ITPR2: variants seen among roughly 807,000 people sequenced by gnomAD.
The protein encoded by ITPR2 is inositol 1,4,5-trisphosphate receptor type 2, also known as inositol 1,4,5-trisphosphate-gated calcium channel ITPR2.
ITPR2 carries 207 observed loss-of-function variants against 317.1 expected under a neutral mutation model. That is an observed-to-expected ratio of 0.65 (90% CI 0.58 to 0.73). ITPR2 has a LOEUF of 0.73. ITPR2 is among the 30% of genes least tolerant of loss of function. The probability of loss-of-function intolerance (pLI) is 0.00; values close to 1 mark genes in which losing one functional copy is unlikely to be tolerated. For synonymous variants in ITPR2, 1,156 were observed against 1,149.1 expected (o/e 1.01, Z -0.12); for missense variants, 2,613 against 3,284.0 (o/e 0.80, Z 4.99).
In ITPR2 at chr12:26,532,878, G is replaced by T. The variant is rs560453519; in HGVS notation, c.5073+17369C>A. Among the ~76,000 whole-genome samples, 4 of 152,006 alleles carry T rather than the reference G, an allele frequency of 2.6e-5. No homozygotes were observed. In the East Asian group the frequency reaches 7.8e-4, roughly 30 times the overall value. ...TTTTTGTATTTTTAGTAGAGACAGG[G>T]TCTCGCCATGTTGACCAGGCTGGTC... On this transcript the variant is annotated intron_variant, in intron 37 of 56. Coordinates refer to ENST00000381340, the MANE Select transcript of ITPR2 (RefSeq NM_002223.4).
chr12:26,372,515 G>A (rs1446214058), intron 55 of ITPR2, among the ~76,000 whole-genome samples: 1 of 152,130 alleles, frequency 6.6e-6, no homozygotes, highest in Non-Finnish European at 1.5e-5. Flanking sequence ...CCTGCCCAAG[G>A]CTTCCAAAGT....
At chr12:26,423,653 T>G (rs771041031) in intron 49 of ITPR2, among the ~76,000 whole-genome samples, 50 of 152,196 alleles carry the variant, frequency 3.3e-4, no homozygotes, top group Non-Finnish European at 6.5e-4. Flanking sequence ...CAAATAATTT[T>G]AATGGTATGA....
At chr12:26,565,605 A>G (rs1313817392) in intron 34 of ITPR2, among the ~76,000 whole-genome samples, 1 of 151,866 alleles carries the variant, frequency 6.6e-6, no homozygotes, top group Admixed American at 6.6e-5. Context: ...TAATATTACC[A>G]GCTGGTGGAA....
At chr12:26,574,749 C>T (rs896841515) in intron 34 of ITPR2, among the ~76,000 whole-genome samples, 1 of 152,118 alleles carries the variant, frequency 6.6e-6, no homozygotes, top group East Asian at 1.9e-4. Flanking sequence ...GAAGCTTCCA[C>T]TCGTGGTGGA....
intron 2 of ITPR2, among the ~76,000 whole-genome samples, chr12:26,744,639 T>G (rs1401481120): frequency 6.6e-6 from 1 of 152,242 alleles, no homozygotes; most frequent in Non-Finnish European, 1.5e-5. Flanking sequence ...TTAGTTATAT[T>G]AATTCCTGAA....
At chr12:26,821,537 CTCA>C (rs1950937711) in intron 1 of ITPR2, among the ~76,000 whole-genome samples, 1 of 152,188 alleles carries the variant, frequency 6.6e-6, no homozygotes, top group Non-Finnish European at 1.5e-5. Context: ...AGTTGTTGAG[CTCA>C]TCATTTTATT....
At chr12:26,542,941 T>C (rs1191433995) in intron 37 of ITPR2, among the ~76,000 whole-genome samples, 1 of 152,240 alleles carries the variant, frequency 6.6e-6, no homozygotes, top group Admixed American at 6.5e-5. Flanking sequence ...GCTCGTTCTC[T>C]TCTCCAATTC....
At chr12:26,599,897 G>T in intron 29 of ITPR2, 90 bp downstream of exon 29, 2 of 908,372 alleles carry the variant, frequency 2.2e-6, no homozygotes, top group Non-Finnish European at 3.3e-6. Flanking sequence ...ATGAAGCAAG[G>T]AAGTGTAACA....
At chr12:26,649,037 T>C (rs544253692) in intron 21 of ITPR2, 1 of 152,342 alleles carries the variant, frequency 6.6e-6, no homozygotes, top group South Asian at 2.1e-4. Flanking sequence ...CATAAATCGT[T>C]TTCCTACCAG....
At position 26,632,065 on chromosome 12, in the gene ITPR2, A is replaced by G. The variant is rs375209329; in HGVS notation, c.2741-6T>C. 2.0e-5 allele frequency: 31 copies of G among 1,527,846 alleles called. No homozygotes were observed. The highest frequency in any genetic ancestry group is 1.4e-4 in the East Asian group (6 of 43,166). The allele number at this position is 1,527,846 out of a possible 1,614,324, so 94.6% of individuals were successfully genotyped here. ...GGTTCTCATCACATTGTTTCCTGGC[A>G]TGAGAAAATGCCGTAAGTCAACACA... On this transcript the variant is annotated splice_polypyrimidine_tract_variant and splice_region_variant and intron_variant, in intron 21 of 56. Coordinates refer to ENST00000381340, the MANE Select transcript of ITPR2 (RefSeq NM_002223.4).
chr12:26,595,629 T>A, intron 31 of ITPR2, 39 bp from the exon 32 acceptor site: 1 of 1,486,420 alleles, frequency 6.7e-7, no homozygotes, highest in East Asian at 2.4e-5. Context: ...TTAGTTTTCT[T>A]TATTGATGAC....
rs564409610 is a variant in ITPR2 at position 26,536,847 on chromosome 12, G to GTGGGCTGATC, written c.5073+13399_5073+13400insGATCAGCCCA. Among the ~76,000 whole-genome samples, 28 of 152,358 alleles carry GTGGGCTGATC rather than the reference G, an allele frequency of 1.8e-4. No individual in the cohort carries two copies. The East Asian group carries it at 5.2e-3, about 28-fold the overall frequency. Reference sequence around the variant, plus strand: ...GCAATTGACTGGGATGTGGGCTGATGTGGTCGTGATATAGTTGGAGGGTCT... The same window carrying GTGGGCTGATC: ...GCAATTGACTGGGATGTGGGCTGATGTGGGCTGATCTGGTCGTGATATAGTTGGAGGGTCT... On this transcript the variant is annotated intron_variant, in intron 37 of 56. Coordinates refer to ENST00000381340, the MANE Select transcript of ITPR2 (RefSeq NM_002223.4).
chr12:26,566,968 C>T (rs1012566840), intron 34 of ITPR2, among the ~76,000 whole-genome samples: 9 of 152,204 alleles, frequency 5.9e-5, no homozygotes, highest in African/African-American at 2.2e-4. Flanking sequence ...ACTGGGTTTG[C>T]TCTAAACATT....
At chr12:26,413,539 T>G (rs1940620347) in intron 51 of ITPR2, among the ~76,000 whole-genome samples, 1 of 152,190 alleles carries the variant, frequency 6.6e-6, no homozygotes, top group South Asian at 2.1e-4. Context: ...GCATTAGAAA[T>G]GAAATTTGAA....
At chr12:26,446,430 C>A (rs191425268) in intron 45 of ITPR2, among the ~76,000 whole-genome samples, 1 of 152,160 alleles carries the variant, frequency 6.6e-6, no homozygotes, top group African/African-American at 2.4e-5. Context: ...AACTGATAGT[C>A]TCCCAAGGTG....
chr12:26,461,671 T>C (rs796367476), intron 45 of ITPR2, among the ~76,000 whole-genome samples: 1 of 86,502 alleles, frequency 1.2e-5, no homozygotes, highest in Admixed American at 1.2e-4. Flanking sequence ...TATATATATA[T>C]GCACACATAC....
chr12:26,742,385 T>C (rs532077228), intron 2 of ITPR2, among the ~76,000 whole-genome samples: 51 of 152,304 alleles, frequency 3.3e-4, no homozygotes, highest in Non-Finnish European at 6.3e-4. Context: ...CCTGTCCATG[T>C]CCACACAAAA....
At chr12:26,686,787 C>A (rs1237849539) in intron 10 of ITPR2, among the ~76,000 whole-genome samples, 155 bp from the exon 11 acceptor site, 1 of 152,208 alleles carries the variant, frequency 6.6e-6, no homozygotes, top group Non-Finnish European at 1.5e-5. Context: ...TCTAGCCCGA[C>A]AGCCATTGAG....
chr12:26,382,932 T>A (rs956204434), intron 55 of ITPR2, among the ~76,000 whole-genome samples: 7 of 152,196 alleles, frequency 4.6e-5, no homozygotes, highest in African/African-American at 1.7e-4. Flanking sequence ...ATGAAGAAAC[T>A]GAGGTGCTAT....
Sources: gnomAD v4.1 joint callset for allele counts (sites outside exome capture counted in the v4.1 genomes callset) on GRCh38, gnomAD v4.1.1 for gene constraint, MANE v1.5 for transcripts, NCBI Gene and HGNC (gene_info 2026-07-23, HGNC 2026-07-21) for gene names.